Variants in STK32A observed in about 807,000 individuals in gnomAD.
STK32A encodes the protein serine/threonine-protein kinase 32A.
STK32A carries 41 observed loss-of-function variants against 53.2 expected under a neutral mutation model. The observed-to-expected ratio is 0.77, with a 90% confidence interval of 0.60 to 1.00. STK32A has a LOEUF of 1.00. STK32A is among the 50% of genes least tolerant of loss of function. STK32A has a pLI of 0.00. For missense variants in STK32A, 458 were observed against 485.8 expected, an observed-to-expected ratio of 0.94 and a Z score of 0.54; for synonymous variants, 166 against 162.8, an observed-to-expected ratio of 1.02 and a Z score of -0.15.
At chr5:147,276,789 A>G (rs1755280932) in intron 2 of STK32A, among the ~76,000 whole-genome samples, 1 of 152,188 alleles carries the variant, frequency 6.6e-6, no homozygotes. Context: ...AAACAGCTTT[A>G]GTAGTGCTTT....
chr5:147,300,960 T>A (rs1753102261), intron 4 of STK32A, among the ~76,000 whole-genome samples: 1 of 152,018 alleles, frequency 6.6e-6, no homozygotes, highest in African/African-American at 2.4e-5. Flanking sequence ...CAAGGGAAAA[T>A]TTCCCCTTCA....
chr5:147,323,252 C>T (rs1256775696), intron 4 of STK32A, among the ~76,000 whole-genome samples: 2 of 152,120 alleles, frequency 1.3e-5, no homozygotes, highest in South Asian at 2.1e-4. Flanking sequence ...GAGATGTTAG[C>T]GTTATTTTTC....
chr5:147,293,153 T>C (rs1303626969), intron 4 of STK32A, among the ~76,000 whole-genome samples: 1 of 152,100 alleles, frequency 6.6e-6, no homozygotes, highest in Non-Finnish European at 1.5e-5. Context: ...TAATTGTCTG[T>C]AGATGACAAA....
At chr5:147,353,191 G>GA (rs1756065752) in intron 7 of STK32A, among the ~76,000 whole-genome samples, 1 of 152,200 alleles carries the variant, frequency 6.6e-6, no homozygotes, top group Non-Finnish European at 1.5e-5. Context: ...GGAAAAGATA[G>GA]AAGGACGTGT....
chr5:147,395,819 G>A, the STK32A span: 1 of 1,378,770 alleles, frequency 7.3e-7, no homozygotes, highest in Non-Finnish European at 9.9e-7. Context: ...TGTGTGGTGG[G>A]AGCTAGGAAT....
At chr5:147,320,246 T>A (rs912455164) in intron 4 of STK32A, among the ~76,000 whole-genome samples, 1 of 152,216 alleles carries the variant, frequency 6.6e-6, no homozygotes, top group Non-Finnish European at 1.5e-5. Flanking sequence ...TATTTCAAGA[T>A]GGCCCCTGTA....
intron 2 of STK32A, among the ~76,000 whole-genome samples, chr5:147,259,872 C>CTGTCCTGTT (rs1754426100): frequency 7.3e-6 from 1 of 137,430 alleles, no homozygotes; most frequent in Admixed American, 7.7e-5. Context: ...TCTTCTGTCT[C>CTGTCCTGTT]TCTCTCCTGT....
chr5:147,343,742 A>G (rs535835090), intron 6 of STK32A, among the ~76,000 whole-genome samples: 1 of 152,354 alleles, frequency 6.6e-6, no homozygotes, highest in South Asian at 2.1e-4. Context: ...CTATGCTGGC[A>G]CATAACTAGT....
intron 4 of STK32A, among the ~76,000 whole-genome samples, chr5:147,320,483 A>G (rs995984812): frequency 6.6e-6 from 1 of 152,120 alleles, no homozygotes. Context: ...CTATCTGTTC[A>G]ATCTGTGTTT....
intron 4 of STK32A, among the ~76,000 whole-genome samples, chr5:147,284,616 C>A (rs1259197584): frequency 6.6e-6 from 1 of 150,818 alleles, no homozygotes; most frequent in Non-Finnish European, 1.5e-5. Context: ...ACACCAACAG[C>A]AACCAAGTAG....
chr5:147,364,178 G>A (rs1340224961), intron 8 of STK32A, among the ~76,000 whole-genome samples: 1 of 133,400 alleles, frequency 7.5e-6, no homozygotes, highest in Non-Finnish European at 1.5e-5. Flanking sequence ...ACACAACATT[G>A]TACTCCAGCC....
intron 2 of STK32A, among the ~76,000 whole-genome samples, chr5:147,247,805 T>C (rs895321832): frequency 4.6e-5 from 7 of 152,210 alleles, no homozygotes; most frequent in African/African-American, 1.7e-4. Flanking sequence ...ATTATTCTTT[T>C]GATTTTTTTC....
chr5:147,338,917 T>A (rs1379589176), intron 5 of STK32A, among the ~76,000 whole-genome samples: 1 of 152,220 alleles, frequency 6.6e-6, no homozygotes, highest in Non-Finnish European at 1.5e-5. Flanking sequence ...TGGTTTGGAA[T>A]TAGAACTCAT....
chr5:147,332,413 G>A (rs1581104478), intron 5 of STK32A, among the ~76,000 whole-genome samples: 1 of 151,290 alleles, frequency 6.6e-6, no homozygotes, highest in East Asian at 1.9e-4. Context: ...ATATCTATTA[G>A]GAAAGTTAAA....
At chr5:147,320,732 A>G (rs2151976811) in intron 4 of STK32A, among the ~76,000 whole-genome samples, 1 of 152,374 alleles carries the variant, frequency 6.6e-6, no homozygotes, top group Non-Finnish European at 1.5e-5. Flanking sequence ...AGTGAAAAGA[A>G]TATAACCAGG....
chr5:147,280,540 G>T (rs1211331533), intron 4 of STK32A, among the ~76,000 whole-genome samples: 1 of 151,906 alleles, frequency 6.6e-6, no homozygotes, highest in African/African-American at 2.4e-5. Context: ...CTGACAATCT[G>T]CATGTTTCTG....
intron 4 of STK32A, among the ~76,000 whole-genome samples, chr5:147,286,691 G>A (rs1006899486): frequency 1.2e-4 from 19 of 152,046 alleles, no homozygotes; most frequent in African/African-American, 4.6e-4. Flanking sequence ...ATCTTCCTCA[G>A]GGTCTTTTGT....
chr5:147,255,396 G>A (rs994960442), intron 2 of STK32A, among the ~76,000 whole-genome samples: 2 of 152,110 alleles, frequency 1.3e-5, no homozygotes, highest in African/African-American at 2.4e-5. Flanking sequence ...ATCTACTTAC[G>A]GATGCACAGT....
Position 147,384,035 on chromosome 5 carries a change from C to T in STK32A, c.*52C>T. ...ATCTCATGCCAGAAACTTCTAATTA[C>T]ATATGTCAAGAAAAGCTGACAGTAG... On this transcript the variant is annotated 3_prime_UTR_variant, in exon 13 of 13. Transcript: ENST00000397936. 1.9e-6 allele frequency: 3 copies of T among 1,563,580 alleles called. No homozygotes were observed. The highest frequency in any genetic ancestry group is 1.4e-5 in the African/African-American group (1 of 71,908).
Sources: allele counts gnomAD v4.1 joint callset (sites outside exome capture counted in the v4.1 genomes callset), GRCh38; gene constraint gnomAD v4.1.1; transcripts MANE v1.5; gene names NCBI Gene and HGNC (gene_info 2026-07-23, HGNC 2026-07-21).